The following PURA variants were observed in gnomAD, a reference collection of about 807,000 sequenced individuals.
PURA encodes the protein purine rich element binding protein A.
PURA carries 2 observed loss-of-function variants against 23.1 expected under a neutral mutation model. The ratio of observed to expected loss-of-function variants is 0.09; its 90% CI spans 0.04 to 0.27. The LOEUF is 0.27. Ranked by LOEUF, PURA falls within the 10% of genes least tolerant of loss-of-function variation. The pLI, the probability that PURA is intolerant of heterozygous loss-of-function variation, is 1.00. For missense variants in PURA, 187 were observed against 449.7 expected (o/e 0.42, Z 5.28); for synonymous variants, 254 against 205.9 (o/e 1.23, Z -2.00).
rs532893161 is a variant in PURA, at chr5:140,120,372, C to T, written c.*5222C>T. 1.2e-5 allele frequency: 2 copies of T among 166,352 alleles called. No individual in the cohort carries two copies. The highest frequency in any genetic ancestry group is 4.8e-5 in the African/African-American group (2 of 41,330). 10.3% of individuals were successfully genotyped at this position (166,352 alleles called of 1,614,324 possible). ...TTTGTGTAGATTTGTTAAAGTGTATCAATTTTTAAATCACAATATTTCTGT... is the reference window on the plus strand; with the variant it reads ...TTTGTGTAGATTTGTTAAAGTGTATTAATTTTTAAATCACAATATTTCTGT... On this transcript the variant is annotated 3_prime_UTR_variant, in exon 1 of 1. Coordinates refer to ENST00000331327, the MANE Select transcript of PURA (RefSeq NM_005859.5).
rs1260915687 is a variant in PURA, at chr5:140,122,751, T to A, written c.*7601T>A. 6.0e-6 allele frequency: 1 copy of A among 166,838 alleles called. No individual in the cohort carries two copies. Among genetic ancestry groups the A allele is most frequent in the East Asian group, 1.9e-4 (1 of 5,204 alleles). 10.3% of individuals were successfully genotyped at this position (166,838 alleles called of 1,614,324 possible). On this transcript the variant is annotated 3_prime_UTR_variant, in exon 1 of 1. Coordinates refer to ENST00000331327, the MANE Select transcript of PURA (RefSeq NM_005859.5). The stretch of plus-strand genomic sequence containing the variant: ...TAGGGTAAGCTGATAGTGTTTAGAT[T>A]TCTGTTCCCATTATTCCAGTAGTGT...
Position 140,114,982 on chromosome 5 carries a change from C to T in PURA, c.801C>T (p.Phe267=), listed in dbSNP as rs775193315. The change falls in exon 1 of 1, where the codon TTC becomes TTT. Residue 267 remains phenylalanine, a synonymous_variant. Transcript: ENST00000331327. ...TGCCCTACAAGGTGTGGGCCAAGTTCGGACACACCTTCTGCAAGTACTCGG... is the reference window on the plus strand; with the variant it reads ...TGCCCTACAAGGTGTGGGCCAAGTTTGGACACACCTTCTGCAAGTACTCGG... ...ITVPYKVWAK[F]GHTFCKYSEE... 2.5e-6 allele frequency: 4 copies of T among 1,614,172 alleles called. No homozygotes were observed. The highest frequency in any genetic ancestry group is 3.4e-6 in the Non-Finnish European group (4 of 1,180,032).
rs1763122096 is a variant in PURA, at chr5:140,119,143, CAG to C, written c.*3995_*3996del. On this transcript the variant is annotated 3_prime_UTR_variant, in exon 1 of 1. Transcript: ENST00000331327. ...TATTAGTCTAAGTTTTGTATGCTAA[CAG>C]AAAGATATAATTTAGCTACCTATTC... 5 of 166,782 alleles carry C rather than the reference CAG, an allele frequency of 3.0e-5. No homozygotes were observed. Among genetic ancestry groups the C allele is most frequent in the Middle Eastern group, 3.4e-3 (1 of 294 alleles). 10.3% of individuals were successfully genotyped at this position (166,782 alleles called of 1,614,324 possible). A position where few individuals can be genotyped will look rare whatever the true frequency, so the allele number is the denominator to read the frequency against.
rs1386312159 is a variant in PURA, at chr5:140,121,339, C to T, written c.*6189C>T. On this transcript the variant is annotated 3_prime_UTR_variant, in exon 1 of 1. Transcript: ENST00000331327. ...TGAAGTGGCAGTTAAAGTTATGGGACAGGTGAATTACCTATTCATCTTGAC... is the reference window on the plus strand; with the variant it reads ...TGAAGTGGCAGTTAAAGTTATGGGATAGGTGAATTACCTATTCATCTTGAC... 4 of 166,858 alleles carry T rather than the reference C, an allele frequency of 2.4e-5. No individual in the cohort carries two copies. The Admixed American group carries it at 2.6e-4, about 11-fold the overall frequency. 10.3% of individuals were successfully genotyped at this position (166,858 alleles called of 1,614,324 possible). A position where few individuals can be genotyped will look rare whatever the true frequency, so the allele number is the denominator to read the frequency against.
At position 140,115,060 on chromosome 5, in the gene PURA, GCAGCTTCAC is replaced by G. The variant is rs1763056656; in HGVS notation, c.884_892del (p.Leu295_Gln297del). The G allele has an allele frequency of 2.5e-6, 4 of 1,613,934 alleles. No individual in the cohort carries two copies. The highest frequency in any genetic ancestry group is 3.4e-6 in the Non-Finnish European group (4 of 1,179,988). ...AGAGGGAGAAGCGGGCTGCCTGTGA[GCAGCTTCAC>G]CAGCAGCAACAGCAGCAGCAGGAGG... On this transcript the variant is annotated inframe_deletion, in exon 1 of 1. Coordinates refer to ENST00000331327, the MANE Select transcript of PURA (RefSeq NM_005859.5). The surrounding 1 kb of genome is among the most constrained non-coding windows in gnomAD (Gnocchi z 4.1).
chr5:140,120,518 A>G lies in PURA; in HGVS notation c.*5368A>G, dbSNP rs1763141416. 6.0e-6 allele frequency: 1 copy of G among 166,658 alleles called. No homozygotes were observed. The highest frequency in any genetic ancestry group is 2.4e-5 in the African/African-American group (1 of 41,444). The allele number at this position is 166,658 out of a possible 1,614,324, so 10.3% of individuals were successfully genotyped here. On this transcript the variant is annotated 3_prime_UTR_variant, in exon 1 of 1. Transcript: ENST00000331327. ...TTTGCAGATTTTGTGATATATTAAG[A>G]AAAGCTGATTTTAATATTAATATTT...
In PURA at chr5:140,117,972, G is replaced by A. The variant is rs1279234748; in HGVS notation, c.*2822G>A. On this transcript the variant is annotated 3_prime_UTR_variant, in exon 1 of 1. Transcript: ENST00000331327. ...TCCCAAACCTTGTCTTCCCTCTTCT[G>A]TTGCATCCTTTCCCTACCCTTCCCT... 1 of 166,526 alleles carries A rather than the reference G, an allele frequency of 6.0e-6. No homozygotes were observed. The highest frequency in any genetic ancestry group is 2.4e-5 in the African/African-American group (1 of 41,272). The allele number at this position is 166,526 out of a possible 1,614,324, so 10.3% of individuals were successfully genotyped here. A position where few individuals can be genotyped will look rare whatever the true frequency, so the allele number is the denominator to read the frequency against.
rs1305285132 is a variant in PURA at position 140,114,142 on chromosome 5, A to AGCGGCAGGCGGCG, written c.-34_-22dup. ...CTGAGGCGACTGAGGCGGCGGGCGG[A>AGCGGCAGGCGGCG]GCGGCAGGCGGCGGCGGCGCGGCAG... On this transcript the variant is annotated 5_prime_UTR_variant, in exon 1 of 1. Transcript: ENST00000331327. 4.2e-6 allele frequency: 2 copies of AGCGGCAGGCGGCG among 478,504 alleles called. No homozygotes were observed. The highest frequency in any genetic ancestry group is 6.2e-6 in the Non-Finnish European group (2 of 321,616). The allele number at this position is 478,504 out of a possible 1,614,324, so 29.6% of individuals were successfully genotyped here. A position where few individuals can be genotyped will look rare whatever the true frequency, so the allele number is the denominator to read the frequency against.
At position 140,114,216 on chromosome 5, in the gene PURA, G is replaced by C. The variant is rs748308755; in HGVS notation, c.35G>C (p.Gly12Ala). 9 of 999,326 alleles carry C rather than the reference G, an allele frequency of 9.0e-6. No individual in the cohort carries two copies. The allele number at this position is 999,326 out of a possible 1,614,324, so 61.9% of individuals were successfully genotyped here. ...ADRDSGSEQG[G>A]AALGSGGSLG... is the part of the protein sequence containing the mutation. ...CGAGACAGCGGCAGCGAGCAGGGTG[G>C]TGCGGCGCTGGGTTCGGGCGGCTCC... The change falls in exon 1 of 1, where the codon GGT (glycine) becomes GCT (alanine). Residue 12 changes from glycine to alanine, a missense_variant. Coordinates refer to ENST00000331327, the MANE Select transcript of PURA (RefSeq NM_005859.5).
chr5:140,115,248 A>C lies in PURA; in HGVS notation c.*98A>C. ...TACTGTAAAGAAAGAGAGAAAATAAAAAGTTAAAAAGTTAAAAAAAAAAAA... is the reference window on the plus strand; with the variant it reads ...TACTGTAAAGAAAGAGAGAAAATAACAAGTTAAAAAGTTAAAAAAAAAAAA... On this transcript the variant is annotated 3_prime_UTR_variant, in exon 1 of 1. Coordinates refer to ENST00000331327, the MANE Select transcript of PURA (RefSeq NM_005859.5). The surrounding 1 kb of genome is among the most constrained non-coding windows in gnomAD (Gnocchi z 4.1). The C allele has an allele frequency of 1.2e-6, 1 of 803,076 alleles. No homozygotes were observed. Among genetic ancestry groups the C allele is most frequent in the Non-Finnish European group, 1.8e-6 (1 of 561,042 alleles). 49.7% of individuals were successfully genotyped at this position (803,076 alleles called of 1,614,324 possible). A position where few individuals can be genotyped will look rare whatever the true frequency, so the allele number is the denominator to read the frequency against.
rs1763172215 is a variant in PURA at position 140,123,355 on chromosome 5, TA to T, written c.*8209del. 6.0e-6 allele frequency: 1 copy of T among 166,984 alleles called. No individual in the cohort carries two copies. The highest frequency in any genetic ancestry group is 2.4e-5 in the African/African-American group (1 of 41,460). 10.3% of individuals were successfully genotyped at this position (166,984 alleles called of 1,614,324 possible). A position where few individuals can be genotyped will look rare whatever the true frequency, so the allele number is the denominator to read the frequency against. ...TAGGGTTTATAAAGTTGTCAATGTG[TA>T]AAAGTGCAAAAGCAGGAAAGACTAA... is the stretch of plus-strand genomic sequence containing the variant. On this transcript the variant is annotated 3_prime_UTR_variant, in exon 1 of 1. Coordinates refer to ENST00000331327, the MANE Select transcript of PURA (RefSeq NM_005859.5).
rs1763182436 is a variant in PURA, at chr5:140,124,315, G to A, written c.*9165G>A. On this transcript the variant is annotated 3_prime_UTR_variant, in exon 1 of 1. Transcript: ENST00000331327. ...AAACCAAGTGAGAGGCCTCTTTTCA[G>A]ATCTGGTTTATTTTTGGAATGCCTG... 6.0e-6 allele frequency: 1 copy of A among 166,914 alleles called. No individual in the cohort carries two copies. The highest frequency in any genetic ancestry group is 1.5e-5 in the Non-Finnish European group (1 of 68,072). The allele number at this position is 166,914 out of a possible 1,614,324, so 10.3% of individuals were successfully genotyped here. A position where few individuals can be genotyped will look rare whatever the true frequency, so the allele number is the denominator to read the frequency against.
In PURA at chr5:140,114,158, G is replaced by A; in HGVS notation, c.-24G>A. ...GGCGGGCGGAGCGGCAGGCGGCGGC[G>A]GCGCGGCAGCGGAGCGCAGCATCAT... On this transcript the variant is annotated 5_prime_UTR_variant, in exon 1 of 1. Transcript: ENST00000331327. 5 of 618,764 alleles carry A rather than the reference G, an allele frequency of 8.1e-6. No homozygotes were observed. The highest frequency in any genetic ancestry group is 1.9e-5 in the African/African-American group (1 of 51,636). 38.3% of individuals were successfully genotyped at this position (618,764 alleles called of 1,614,324 possible). A position where few individuals can be genotyped will look rare whatever the true frequency, so the allele number is the denominator to read the frequency against.
At position 140,115,180 on chromosome 5, in the gene PURA, C is replaced by T; in HGVS notation, c.*30C>T. 8.3e-7 allele frequency: 1 copy of T among 1,198,122 alleles called. No homozygotes were observed. The highest frequency in any genetic ancestry group is 1.2e-6 in the Non-Finnish European group (1 of 859,428). 74.2% of individuals were successfully genotyped at this position (1,198,122 alleles called of 1,614,324 possible). On this transcript the variant is annotated 3_prime_UTR_variant, in exon 1 of 1. Transcript: ENST00000331327. This position sits in a 1 kb window ranked among gnomAD's most constrained non-coding sequence, Gnocchi z 4.1. ...ACTGAATGAAACCCCCACACACACA[C>T]ACATGCATACACACACACACACAGC...
rs1763153158 is a variant in PURA, at chr5:140,121,532, C to T, written c.*6382C>T. On this transcript the variant is annotated 3_prime_UTR_variant, in exon 1 of 1. Transcript: ENST00000331327. ...ACATCTGGCATCTTCTCTCTCCTAT[C>T]CTTTTTCTTTGTTTCTCTCTCCACT... is the stretch of plus-strand genomic sequence containing the variant. The T allele has an allele frequency of 6.0e-6, 1 of 166,784 alleles. No homozygotes were observed. Among genetic ancestry groups the T allele is most frequent in the African/African-American group, 2.4e-5 (1 of 41,352 alleles). The allele number at this position is 166,784 out of a possible 1,614,324, so 10.3% of individuals were successfully genotyped here.
Position 140,115,450 on chromosome 5 carries a change from C to A in PURA, c.*300C>A. 1 of 212,134 alleles carries A rather than the reference C, an allele frequency of 4.7e-6. No homozygotes were observed. Among genetic ancestry groups the A allele is most frequent in the Non-Finnish European group, 1.0e-5 (1 of 98,294 alleles). 13.1% of individuals were successfully genotyped at this position (212,134 alleles called of 1,614,324 possible). A position where few individuals can be genotyped will look rare whatever the true frequency, so the allele number is the denominator to read the frequency against. Reference sequence around the variant, plus strand: ...TAATAACATTATATGAACTGTGTTTCCTACTTGATTAAAAAATATAAAGAA... The same window carrying A: ...TAATAACATTATATGAACTGTGTTTACTACTTGATTAAAAAATATAAAGAA... On this transcript the variant is annotated 3_prime_UTR_variant, in exon 1 of 1. Coordinates refer to ENST00000331327, the MANE Select transcript of PURA (RefSeq NM_005859.5). This position sits in a 1 kb window ranked among gnomAD's most constrained non-coding sequence, Gnocchi z 4.1.
rs1330378970 is a variant in PURA, at chr5:140,123,058, T to C, written c.*7908T>C. 6.0e-6 allele frequency: 1 copy of C among 166,960 alleles called. No homozygotes were observed. The highest frequency in any genetic ancestry group is 1.5e-5 in the Non-Finnish European group (1 of 68,034). The allele number at this position is 166,960 out of a possible 1,614,324, so 10.3% of individuals were successfully genotyped here. A position where few individuals can be genotyped will look rare whatever the true frequency, so the allele number is the denominator to read the frequency against. ...AACAATAGCAGGATTATTTTTACTA[T>C]AGCTTATTTTGTAGAGTTGGCACTT... On this transcript the variant is annotated 3_prime_UTR_variant, in exon 1 of 1. Transcript: ENST00000331327.
rs1763175571 is a variant in PURA at position 140,123,692 on chromosome 5, CAAAGTT to C, written c.*8547_*8552del. On this transcript the variant is annotated 3_prime_UTR_variant, in exon 1 of 1. Coordinates refer to ENST00000331327, the MANE Select transcript of PURA (RefSeq NM_005859.5). ...AGCTTTATTAAACTGTTTAAATAGA[CAAAGTT>C]AAAGCTTAGGATAGGGAATATATAT... The C allele has an allele frequency of 1.2e-5, 2 of 166,770 alleles. No individual in the cohort carries two copies. Among genetic ancestry groups the C allele is most frequent in the East Asian group, 1.9e-4 (1 of 5,204 alleles). 10.3% of individuals were successfully genotyped at this position (166,770 alleles called of 1,614,324 possible). A position where few individuals can be genotyped will look rare whatever the true frequency, so the allele number is the denominator to read the frequency against.
In PURA at chr5:140,124,912, A is replaced by G. The variant is rs1374356228; in HGVS notation, c.*9762A>G. The G allele has an allele frequency of 6.0e-6, 1 of 167,048 alleles. No homozygotes were observed. Among genetic ancestry groups the G allele is most frequent in the Non-Finnish European group, 1.5e-5 (1 of 68,106 alleles). The allele number at this position is 167,048 out of a possible 1,614,324, so 10.3% of individuals were successfully genotyped here. On this transcript the variant is annotated 3_prime_UTR_variant, in exon 1 of 1. Transcript: ENST00000331327. ...TAATGGAGTTTAACCAGCTTAATTA[A>G]TGATTTTTCCAGTTTGAAGCACTTA... is the stretch of plus-strand genomic sequence containing the variant.
Sources: gnomAD v4.1 joint callset for allele counts on GRCh38, gnomAD v4.1.1 for gene constraint, Gnocchi (gnomAD v3.1) non-coding constraint, MANE v1.5 for transcripts, NCBI Gene and HGNC (gene_info 2026-07-23, HGNC 2026-07-21) for gene names.